Variants in DMD observed in about 807,000 individuals in gnomAD.
DMD encodes the protein mutant dystrophin.
Under a neutral mutation model 330.1 loss-of-function variants are expected in DMD, and 63 were observed. That is an observed-to-expected ratio of 0.19 (90% CI 0.16 to 0.24). DMD has a LOEUF of 0.24. Ranked by LOEUF, DMD falls within the 10% of genes least tolerant of loss-of-function variation. The pLI is 1.00. For synonymous variants in DMD, 1,223 were observed against 959.8 expected, an observed-to-expected ratio of 1.27 and a Z score of -5.07; for missense variants, 3,344 against 2,684.1, an observed-to-expected ratio of 1.25 and a Z score of -5.43.
rs370194735 is a variant in DMD, at chrX:32,816,246, C to T, written c.530+222G>A. Among the ~76,000 whole-genome samples, 10 of 111,707 alleles carry T rather than the reference C, an allele frequency of 9.0e-5. No individual in the cohort carries two copies. In the Admixed American group the frequency reaches 9.6e-4, roughly 11 times the overall value. ...CTCCACTATAACCACTTTCACGCTC[C>T]GCTAATGTTAATGTTTCAACAACTG... On this transcript the variant is annotated intron_variant, in intron 6 of 78. Transcript: ENST00000357033.
chrX:32,692,541 C>T (rs968914310), intron 9 of DMD, among the ~76,000 whole-genome samples: 1 of 111,701 alleles, frequency 9.0e-6, no homozygotes, highest in African/African-American at 3.3e-5. Context: ...GCCTCATCCC[C>T]TCCCAACACA....
chrX:32,458,108 G>C (rs1049684215), intron 25 of DMD, among the ~76,000 whole-genome samples: 9 of 110,492 alleles, frequency 8.1e-5, no homozygotes, highest in Non-Finnish European at 1.1e-4. Flanking sequence ...AAGATTGGGA[G>C]ACTCAAGCAC....
chrX:31,498,324 T>C (rs2070076492), intron 56 of DMD, among the ~76,000 whole-genome samples: 1 of 112,165 alleles, frequency 8.9e-6, no homozygotes, highest in Admixed American at 9.5e-5. Flanking sequence ...TGTTTTCAAA[T>C]GTAATGAAAC....
At chrX:31,130,064 T>C (rs1426507698) in intron 77 of DMD, among the ~76,000 whole-genome samples, 1 of 111,534 alleles carries the variant, frequency 9.0e-6, no homozygotes, top group Admixed American at 9.5e-5. Flanking sequence ...GCTTTCTGGA[T>C]TGTTTTACTG....
chrX:32,095,323 C>T (rs1398790482), intron 44 of DMD, among the ~76,000 whole-genome samples: 2 of 111,747 alleles, frequency 1.8e-5, no homozygotes, highest in Admixed American at 9.5e-5. Context: ...AGTTTCAAGC[C>T]TAGATTTGTG....
At chrX:32,800,817 A>G (rs985724754) in intron 7 of DMD, among the ~76,000 whole-genome samples, 2 of 110,481 alleles carry the variant, frequency 1.8e-5, no homozygotes, top group Admixed American at 9.7e-5. Context: ...TTCTGTTCCT[A>G]TGTTAGTTTG....
At chrX:31,293,976 T>A (rs1304607679) in intron 62 of DMD, among the ~76,000 whole-genome samples, 1 of 111,137 alleles carries the variant, frequency 9.0e-6, no homozygotes, top group African/African-American at 3.3e-5. Context: ...GGCAACATGG[T>A]GAGACTACCC....
At chrX:31,517,918 A>AACACACACAC (rs372551324) in intron 55 of DMD, among the ~76,000 whole-genome samples, 44 of 89,641 alleles carry the variant, frequency 4.9e-4, no homozygotes, top group Admixed American at 1.1e-3. Context: ...CTGTGTTTCA[A>AACACACACAC]ACACACACAC....
intron 44 of DMD, among the ~76,000 whole-genome samples, chrX:32,071,424 C>G (rs1041462316): frequency 3.9e-5 from 4 of 103,112 alleles, no homozygotes; most frequent in Non-Finnish European, 3.9e-5. Context: ...AACCAAACAC[C>G]GCATGTTCTC....
At chrX:32,471,544 A>G (rs1225759494) in intron 22 of DMD, among the ~76,000 whole-genome samples, 1 of 112,269 alleles carries the variant, frequency 8.9e-6, no homozygotes, top group Non-Finnish European at 1.9e-5. Flanking sequence ...CTACATCTGT[A>G]CTAAACATGT....
chrX:32,624,335 A>G lies in DMD; in HGVS notation c.1332-9882T>C, dbSNP rs186189335. ...CCTGACAGTAGGTATAGGCAAAAGC[A>G]TATCAGGACATGATACTAGGAACTG... is the stretch of plus-strand genomic sequence containing the variant. On this transcript the variant is annotated intron_variant, in intron 11 of 78. Coordinates refer to ENST00000357033, the MANE Select transcript of DMD (RefSeq NM_004006.3). Among the ~76,000 whole-genome samples, 279 of 111,799 alleles carry G rather than the reference A, an allele frequency of 2.5e-3. 1 individual carries two copies. Among genetic ancestry groups the G allele is most frequent in the African/African-American group, 8.5e-3 (260 of 30,729 alleles).
At chrX:32,536,901 C>T (rs529671919) in intron 17 of DMD, among the ~76,000 whole-genome samples, 38 of 111,518 alleles carry the variant, frequency 3.4e-4, no homozygotes, top group African/African-American at 9.5e-4. Flanking sequence ...AGATATCCCT[C>T]GGGAGGCTGT....
chrX:32,094,593 G>A (rs966911010), intron 44 of DMD, among the ~76,000 whole-genome samples: 6 of 111,899 alleles, frequency 5.4e-5, no homozygotes, highest in African/African-American at 1.9e-4. Flanking sequence ...ACAGCATTAA[G>A]AAATACACAA....
intron 1 of DMD, among the ~76,000 whole-genome samples, chrX:33,316,299 A>T (rs1449986372): frequency 9.0e-6 from 1 of 111,060 alleles, no homozygotes; most frequent in Non-Finnish European, 1.9e-5. Context: ...TATTAATGTA[A>T]AATTGAACTA....
chrX:32,748,211 C>T (rs957304770), intron 7 of DMD, among the ~76,000 whole-genome samples: 10 of 108,906 alleles, frequency 9.2e-5, no homozygotes, highest in South Asian at 4.0e-4. Flanking sequence ...GGTGTGGTTG[C>T]GGATGCCTGT....
intron 54 of DMD, among the ~76,000 whole-genome samples, chrX:31,655,760 C>A (rs1217119956): frequency 9.0e-6 from 1 of 110,929 alleles, no homozygotes; most frequent in Non-Finnish European, 1.9e-5. Flanking sequence ...ACAAGAAGGC[C>A]CTTACCAGAT....
chrX:31,945,653 A>T (rs931865381), intron 45 of DMD, among the ~76,000 whole-genome samples: 8 of 112,160 alleles, frequency 7.1e-5, no homozygotes, highest in African/African-American at 2.6e-4. Flanking sequence ...CTAATCATAC[A>T]AAAGAGTTTA....
chrX:33,225,014 G>T (rs1292095292), intron 1 of DMD, among the ~76,000 whole-genome samples: 1 of 111,150 alleles, frequency 9.0e-6, no homozygotes, highest in Non-Finnish European at 1.9e-5. Flanking sequence ...TACTTACATG[G>T]TGAAAGCAAA....
intron 19 of DMD, among the ~76,000 whole-genome samples, chrX:32,500,201 C>T (rs2043911152): frequency 4.5e-5 from 5 of 111,030 alleles, no homozygotes; most frequent in Admixed American, 2.9e-4. Context: ...ATTATTTTCA[C>T]ACCAAAATTA....
Sources: allele counts gnomAD v4.1 joint callset (sites outside exome capture counted in the v4.1 genomes callset), GRCh38; gene constraint gnomAD v4.1.1; transcripts MANE v1.5; gene names NCBI Gene and HGNC (gene_info 2026-07-23, HGNC 2026-07-21).